MTMR6: variants seen among roughly 807,000 people sequenced by gnomAD.
The protein encoded by MTMR6 is phosphatidylinositol-3,5-bisphosphate 3-phosphatase MTMR6.
MTMR6 carries 47 observed loss-of-function variants against 80.1 expected under a neutral mutation model. The ratio of observed to expected loss-of-function variants is 0.59; its 90% CI spans 0.46 to 0.75. The LOEUF (loss-of-function observed/expected upper bound fraction) is 0.75. Ranked by LOEUF, MTMR6 falls within the 30% of genes least tolerant of loss-of-function variation. MTMR6 has a pLI of 0.00. For synonymous variants in MTMR6, 254 were observed against 253.0 expected (o/e 1.00, Z -0.04); for missense variants, 629 against 730.9 (o/e 0.86, Z 1.61).
At chr13:25,262,110 A>T (rs968968462) in intron 5 of MTMR6, among the ~76,000 whole-genome samples, 8 of 152,186 alleles carry the variant, frequency 5.3e-5, no homozygotes, top group Non-Finnish European at 1.2e-4. Flanking sequence ...TCTGCGCTCC[A>T]TTTAGATTAC....
At chr13:25,266,341 C>A in intron 3 of MTMR6, 55 bp from the exon 4 acceptor site, 1 of 1,401,744 alleles carries the variant, frequency 7.1e-7, no homozygotes, top group Non-Finnish European at 9.8e-7. Flanking sequence ...TTATACACTA[C>A]AAATAAATGT....
rs752332739 is a variant in MTMR6, at chr13:25,249,539, AAT to A, written c.1606-49_1606-48del. The stretch of plus-strand genomic sequence containing the variant: ...AAAAATTACTAATTGCATAAGCCAC[AAT>A]ATGTTACATGAAAAAAGAAAACATG... On this transcript the variant is annotated intron_variant, in intron 13 of 13. Transcript: ENST00000381801. The A allele has an allele frequency of 3.4e-5, 53 of 1,563,698 alleles. No individual in the cohort carries two copies. The African/African-American group carries it at 6.2e-4, about 18-fold the overall frequency.
intron 9 of MTMR6, among the ~76,000 whole-genome samples, chr13:25,255,946 G>A (rs755955215): frequency 1.3e-5 from 2 of 152,086 alleles, no homozygotes; most frequent in Admixed American, 6.5e-5. Context: ...GTCTACACTC[G>A]CCTCCTAGCC....
At chr13:25,283,554 C>G (rs2137642222) in intron 1 of MTMR6, among the ~76,000 whole-genome samples, 1 of 152,232 alleles carries the variant, frequency 6.6e-6, no homozygotes. Context: ...ATCTCACATT[C>G]TAATGACAAA....
intron 6 of MTMR6, among the ~76,000 whole-genome samples, chr13:25,260,410 C>T (rs1957307516): frequency 6.6e-6 from 1 of 152,250 alleles, no homozygotes; most frequent in South Asian, 2.1e-4. Context: ...TCAGGTGATC[C>T]ACCCGCCGTG....
At position 25,257,317 on chromosome 13, in the gene MTMR6, A is replaced by G; in HGVS notation, c.974T>C (p.Ile325Thr). 1 of 1,613,572 alleles carries G rather than the reference A, an allele frequency of 6.2e-7. No homozygotes were observed. The highest frequency in any genetic ancestry group is 8.5e-7 in the Non-Finnish European group (1 of 1,179,736). The change falls in exon 9 of 14, where the codon ATA becomes ACA. Residue 325 changes from isoleucine to threonine, a missense_variant. Ile to Thr is a moderately conservative substitution (Grantham distance 89). Transcript: ENST00000381801. ...MDAAIFLAKA[I>T]TVENASVLVH... is the part of the protein sequence containing the mutation. ...CAACACACTTGCATTTTCAACTGTT[A>G]TTGCCTGAAAAGAAAGATCACATAC...
rs746194230 is a variant in MTMR6 at position 25,267,842 on chromosome 13, T to C, written c.241A>G (p.Ile81Val). The change falls in exon 3 of 14, where the codon ATT (isoleucine) becomes GTT (valine). Residue 81 changes from isoleucine (I) to valine (V), a missense_variant. Physicochemically the swap from Ile to Val is conservative, Grantham distance 29 (BLOSUM62 3). Coordinates refer to ENST00000381801, the MANE Select transcript of MTMR6 (RefSeq NM_004685.5). ...QCKNFRTVHF[I>V]VPRERDCHDI... ...TGGCAATCTCTTTCTCTGGGAACAA[T>C]GAAATGCACAGTTCTGAAGTTCTTG... The C allele has an allele frequency of 7.4e-6, 12 of 1,613,874 alleles. No individual in the cohort carries two copies. The highest frequency in any genetic ancestry group is 1.7e-4 in the Middle Eastern group (1 of 6,060).
intron 5 of MTMR6, among the ~76,000 whole-genome samples, chr13:25,265,022 G>C (rs115592960): frequency 0.014 from 2,065 of 152,112 alleles, 62 homozygotes; most frequent in African/African-American, 0.046. Flanking sequence ...GTACCTCTTG[G>C]CCTTCTATTA....
chr13:25,286,426 C>T (rs947027606), intron 1 of MTMR6, among the ~76,000 whole-genome samples: 13 of 152,098 alleles, frequency 8.5e-5, no homozygotes. Flanking sequence ...TGTTTTTCTC[C>T]CTCTCAAAGT....
Position 25,257,873 on chromosome 13 carries a change from T to G in MTMR6, c.860-28A>C, listed in dbSNP as rs201486740. The G allele has an allele frequency of 1.7e-5, 25 of 1,494,438 alleles. No individual in the cohort carries two copies. In the East Asian group the frequency reaches 5.4e-4, roughly 33 times the overall value. The allele number at this position is 1,494,438 out of a possible 1,614,324, so 92.6% of individuals were successfully genotyped here. ...GAAAGAGGTATAAAAATATTTCAAT[T>G]AGAATATGGCTAGAGTTTCTGCATT... On this transcript the variant is annotated intron_variant, in intron 7 of 13. Coordinates refer to ENST00000381801, the MANE Select transcript of MTMR6 (RefSeq NM_004685.5).
intron 1 of MTMR6, 37 bp downstream of exon 1, chr13:25,287,187 A>G: frequency 1.3e-6 from 2 of 1,584,000 alleles, no homozygotes; most frequent in African/African-American, 2.7e-5. Context: ...GGGTCAGAGC[A>G]GGGCCCCTGA....
chr13:25,275,006 A>T (rs901289566), intron 1 of MTMR6, among the ~76,000 whole-genome samples: 2 of 149,164 alleles, frequency 1.3e-5, no homozygotes, highest in African/African-American at 4.9e-5. Context: ...ACACACACAC[A>T]CTATGTTGCT....
In MTMR6 at chr13:25,265,827, C is replaced by T. The variant is rs146343671; in HGVS notation, c.583G>A (p.Asp195Asn). The T allele has an allele frequency of 3.6e-4, 575 of 1,613,028 alleles. No individual in the cohort carries two copies. Among genetic ancestry groups the T allele is most frequent in the Non-Finnish European group, 4.7e-4 (553 of 1,179,274 alleles). The change falls in exon 5 of 14, where the codon GAT becomes AAT. Residue 195 changes from aspartate to asparagine, a missense_variant. Asp to Asn is a conservative substitution (Grantham distance 23, BLOSUM62 1). Coordinates refer to ENST00000381801, the MANE Select transcript of MTMR6 (RefSeq NM_004685.5). ...AAAGAAAAGCATCCTACCTCCTTAT[C>T]TTGATGATAGTAGGAAAGAACTGGG... Reference protein sequence around the residue: ...RFPVLSYYHQDKEAAICRCSQ... With the variant: ...RFPVLSYYHQNKEAAICRCSQ...
In MTMR6 at chr13:25,253,941, G is replaced by C; in HGVS notation, c.1169C>G (p.Pro390Arg). Reference sequence around the variant, plus strand: ...AGTAAACACTGGTGAGACTTCCTTTGGGTCACCATCCAACTGGCCACACCT... The same window carrying C: ...AGTAAACACTGGTGAGACTTCCTTTCGGTCACCATCCAACTGGCCACACCT... ...SERCGQLDGD[P>R]KEVSPVFTQF... The change falls in exon 11 of 14, where the codon CCA becomes CGA. Residue 390 changes from proline (P) to arginine (R), a missense_variant. By Grantham distance (103) the Pro-to-Arg change is moderately radical. Transcript: ENST00000381801. The C allele has an allele frequency of 6.2e-7, 1 of 1,614,090 alleles. No homozygotes were observed. The highest frequency in any genetic ancestry group is 8.5e-7 in the Non-Finnish European group (1 of 1,180,010).
intron 1 of MTMR6, among the ~76,000 whole-genome samples, chr13:25,285,202 G>C (rs1404218633): frequency 6.6e-6 from 1 of 152,014 alleles, no homozygotes; most frequent in Admixed American, 6.6e-5. Context: ...GCTAATAAGA[G>C]GGGCTACAAC....
At chr13:25,261,476 G>A (rs9578839) in intron 6 of MTMR6, among the ~76,000 whole-genome samples, 192 bp downstream of exon 6, 12,697 of 151,908 alleles carry the variant, frequency 0.084, 828 homozygotes, top group Admixed American at 0.2. Flanking sequence ...AAATCACCAT[G>A]AGTTACTCAG....
Position 25,266,204 on chromosome 13 carries a change from A to T in MTMR6, c.387T>A (p.Asp129Glu). 6.2e-7 allele frequency: 1 copy of T among 1,614,100 alleles called. No homozygotes were observed. Among genetic ancestry groups the T allele is most frequent in the Non-Finnish European group, 8.5e-7 (1 of 1,179,960 alleles). Residue 129 changes from aspartate (D) to glutamate (E), a missense_variant, in exon 4 of 14, where the codon GAT (aspartate) becomes GAA (glutamate). Coordinates refer to ENST00000381801, the MANE Select transcript of MTMR6 (RefSeq NM_004685.5). The part of the protein sequence containing the change: ...SERLQGWQLI[D>E]LAEEYKRMGV... ...CCATCCTCTTATATTCCTCAGCGAGATCAATGAGCTGCCAGCCTTGTAGTC... is the reference window on the plus strand; with the variant it reads ...CCATCCTCTTATATTCCTCAGCGAGTTCAATGAGCTGCCAGCCTTGTAGTC...
intron 1 of MTMR6, among the ~76,000 whole-genome samples, chr13:25,274,961 T>TACACACACACACACAC (rs71077456): frequency 0.097 from 10,142 of 104,884 alleles, 1,765 homozygotes; most frequent in Non-Finnish European, 0.13. Flanking sequence ...CACACACACA[T>TACACACACACACACAC]ACACACACAC....
chr13:25,286,212 G>T (rs973458167), intron 1 of MTMR6, among the ~76,000 whole-genome samples: 1 of 151,886 alleles, frequency 6.6e-6, no homozygotes, highest in Non-Finnish European at 1.5e-5. Flanking sequence ...ACCTTTAAAA[G>T]GTTTGTGAAA....
Sources: gnomAD v4.1 joint callset for allele counts (sites outside exome capture counted in the v4.1 genomes callset) on GRCh38, gnomAD v4.1.1 for gene constraint, MANE v1.5 for transcripts, NCBI Gene and HGNC (gene_info 2026-07-23, HGNC 2026-07-21) for gene names.